Variants in RHEB observed in about 807,000 individuals in gnomAD.
The protein encoded by RHEB is GTP-binding protein Rheb.
RHEB carries 2 observed loss-of-function variants against 28.8 expected under a neutral mutation model. That is an observed-to-expected ratio of 0.07 (90% CI 0.03 to 0.22). The LOEUF (loss-of-function observed/expected upper bound fraction) is 0.22. RHEB is among the 10% of genes least tolerant of loss of function. The pLI, the probability that RHEB is intolerant of heterozygous loss-of-function variation, is 1.00. For missense variants in RHEB, 76 were observed against 219.9 expected (o/e 0.35, Z 4.14); for synonymous variants, 69 against 77.3 (o/e 0.89, Z 0.56).
At chr7:151,496,945 A>G (rs1428030934) in intron 1 of RHEB, among the ~76,000 whole-genome samples, 1 of 124,526 alleles carries the variant, frequency 8.0e-6, no homozygotes, top group East Asian at 2.3e-4. Context: ...ACACTCGGCT[A>G]TTTTTTTTTT....
intron 3 of RHEB, among the ~76,000 whole-genome samples, chr7:151,478,872 T>TGATCCGC (rs1435891231): frequency 6.6e-6 from 1 of 152,026 alleles, no homozygotes; most frequent in Non-Finnish European, 1.5e-5. Flanking sequence ...TGACCTCAGG[T>TGATCCGC]GATCCGCTTG....
chr7:151,500,866 A>G (rs1802760924), intron 1 of RHEB, among the ~76,000 whole-genome samples: 1 of 152,140 alleles, frequency 6.6e-6, no homozygotes, highest in Non-Finnish European at 1.5e-5. Flanking sequence ...CTCTTGTGGT[A>G]CCAGCTACTG....
chr7:151,483,860 GTCAAAAGGGCTTT>G (rs1802421038), intron 3 of RHEB, among the ~76,000 whole-genome samples: 1 of 152,184 alleles, frequency 6.6e-6, no homozygotes, highest in South Asian at 2.1e-4. Context: ...CAGCTAAGCT[GTCAAAAGGGCTTT>G]TCTTTGTTTC....
At chr7:151,513,053 G>A (rs79052444) in intron 1 of RHEB, among the ~76,000 whole-genome samples, 10,219 of 152,180 alleles carry the variant, frequency 0.067, 1,101 homozygotes, top group African/African-American at 0.23. Flanking sequence ...CTACTTAACA[G>A]TGTCCTTGAA....
chr7:151,496,945 ATT>A (rs1172246541), intron 1 of RHEB, among the ~76,000 whole-genome samples: 52 of 124,488 alleles, frequency 4.2e-4, no homozygotes, highest in African/African-American at 1.1e-3. Flanking sequence ...ACACTCGGCT[ATT>A]TTTTTTTTTT....
At chr7:151,474,305 C>T (rs1296721521) in intron 4 of RHEB, among the ~76,000 whole-genome samples, 2 of 151,986 alleles carry the variant, frequency 1.3e-5, no homozygotes, top group Admixed American at 1.3e-4. Context: ...CTCAGCCTCC[C>T]GAGCAGCTGG....
At chr7:151,478,975 C>T (rs1027073071) in intron 3 of RHEB, among the ~76,000 whole-genome samples, 2 of 151,930 alleles carry the variant, frequency 1.3e-5, no homozygotes, top group Admixed American at 6.6e-5. Context: ...TGTCACCCAG[C>T]CTGGAGTGCA....
At chr7:151,499,984 G>T (rs1464326487) in intron 1 of RHEB, among the ~76,000 whole-genome samples, 1 of 152,044 alleles carries the variant, frequency 6.6e-6, no homozygotes, top group Non-Finnish European at 1.5e-5. Context: ...AGTTTTTTTT[G>T]TAGAGACAGG....
chr7:151,492,749 T>C (rs1325453555), intron 1 of RHEB, among the ~76,000 whole-genome samples: 6 of 152,098 alleles, frequency 3.9e-5, no homozygotes, highest in Non-Finnish European at 5.9e-5. Flanking sequence ...CTGAAATTAT[T>C]CTCTACAAAG....
chr7:151,512,882 T>C (rs1803015899), intron 1 of RHEB, among the ~76,000 whole-genome samples: 1 of 152,210 alleles, frequency 6.6e-6, no homozygotes, highest in Non-Finnish European at 1.5e-5. Flanking sequence ...CATTTGCCTT[T>C]TCCACAAAGT....
At chr7:151,471,642 A>C in intron 4 of RHEB, 37 bp from the exon 5 acceptor site, 1 of 1,376,926 alleles carries the variant, frequency 7.3e-7, no homozygotes. Context: ...CATCCATTTT[A>C]ATGTTGAAGT....
At chr7:151,510,371 T>C (rs1802960348) in intron 1 of RHEB, among the ~76,000 whole-genome samples, 1 of 152,240 alleles carries the variant, frequency 6.6e-6, no homozygotes. Context: ...TAACAACAGT[T>C]TGACATTGGG....
intron 1 of RHEB, among the ~76,000 whole-genome samples, chr7:151,506,024 C>T (rs570984835): frequency 7.2e-5 from 11 of 151,998 alleles, no homozygotes; most frequent in South Asian, 6.2e-4. Flanking sequence ...GTGGGGATGA[C>T]GGAATGTTTC....
At position 151,519,645 on chromosome 7, in the gene RHEB, T is replaced by A; in HGVS notation, c.-134A>T. On this transcript the variant is annotated 5_prime_UTR_variant, in exon 1 of 8. Coordinates refer to ENST00000262187, the MANE Select transcript of RHEB (RefSeq NM_005614.4). Reference sequence around the variant, plus strand: ...GGGCGGCGGCGGGCGCGGCTGCCTCTCGCTCGCTAGCTCGCGCGCTCCCAA... The same window carrying A: ...GGGCGGCGGCGGGCGCGGCTGCCTCACGCTCGCTAGCTCGCGCGCTCCCAA... 7 of 730,598 alleles carry A rather than the reference T, an allele frequency of 9.6e-6. No individual in the cohort carries two copies. The highest frequency in any genetic ancestry group is 1.3e-5 in the Non-Finnish European group (7 of 524,636). The allele number at this position is 730,598 out of a possible 1,614,324, so 45.3% of individuals were successfully genotyped here.
At chr7:151,516,525 A>G (rs1265326294) in intron 1 of RHEB, among the ~76,000 whole-genome samples, 2 of 147,304 alleles carry the variant, frequency 1.4e-5, no homozygotes, top group Non-Finnish European at 3.0e-5. Flanking sequence ...TGGGAGGCTG[A>G]GGCAGGAGAA....
At chr7:151,499,401 A>G (rs549017352) in intron 1 of RHEB, among the ~76,000 whole-genome samples, 40 of 152,268 alleles carry the variant, frequency 2.6e-4, no homozygotes, top group African/African-American at 8.7e-4. Flanking sequence ...AGGACAGGAC[A>G]GGAAAGGAAG....
intron 1 of RHEB, among the ~76,000 whole-genome samples, chr7:151,517,710 T>G (rs944339831): frequency 1.0e-3 from 142 of 140,330 alleles, no homozygotes; most frequent in African/African-American, 3.3e-3. Flanking sequence ...AAAAAAAAAG[T>G]GATAAAACTA....
chr7:151,476,435 A>G (rs1341383839), intron 4 of RHEB, among the ~76,000 whole-genome samples: 1 of 152,250 alleles, frequency 6.6e-6, no homozygotes, highest in Non-Finnish European at 1.5e-5. Flanking sequence ...TCTATTGGAC[A>G]GTGTCAGCCT....
intron 4 of RHEB, among the ~76,000 whole-genome samples, chr7:151,475,161 T>G (rs764918048): frequency 2.0e-5 from 3 of 152,210 alleles, no homozygotes; most frequent in Non-Finnish European, 4.4e-5. Context: ...GTGAGCACAC[T>G]TTCATATTTT....
Sources: allele counts gnomAD v4.1 joint callset (sites outside exome capture counted in the v4.1 genomes callset), GRCh38; gene constraint gnomAD v4.1.1; transcripts MANE v1.5; gene names NCBI Gene and HGNC (gene_info 2026-07-23, HGNC 2026-07-21).